SDK1: variants seen among roughly 807,000 people sequenced by gnomAD.
The protein encoded by SDK1 is sidekick cell adhesion molecule 1.
A neutral mutation model predicts 245.5 loss-of-function variants in SDK1; 157 were observed. That is an observed-to-expected ratio of 0.64 (90% CI 0.56 to 0.73). The LOEUF is 0.73. SDK1 is among the 30% of genes least tolerant of loss of function. The pLI is 0.00. For missense variants in SDK1, 3,583 were observed against 3,002.3 expected (o/e 1.19, Z -4.52); for synonymous variants, 1,647 against 1,278.5 (o/e 1.29, Z -6.15).
At chr7:4,171,547 G>A (rs367993637) in intron 32 of SDK1, among the ~76,000 whole-genome samples, 2 of 152,230 alleles carry the variant, frequency 1.3e-5, no homozygotes, top group East Asian at 3.9e-4. Context: ...TGGTTCGGCG[G>A]TTCTGGCCTG....
chr7:3,541,152 T>C (rs2128620503), intron 1 of SDK1, among the ~76,000 whole-genome samples: 1 of 152,362 alleles, frequency 6.6e-6, no homozygotes, highest in East Asian at 1.9e-4. Flanking sequence ...AGTATATTCT[T>C]AAGTATAACT....
At chr7:3,553,922 C>G (rs765990850) in intron 1 of SDK1, among the ~76,000 whole-genome samples, 9 of 152,140 alleles carry the variant, frequency 5.9e-5, no homozygotes, top group Non-Finnish European at 1.0e-4. Flanking sequence ...TGGGAGCCCC[C>G]ATCAGAACCA....
In SDK1 at chr7:3,318,523, C is replaced by G. The variant is rs541196029; in HGVS notation, c.298+16639C>G. ...ATTAATTTATCAGATCAAATGAACC[C>G]CTAATGTGTTTCTCCTTCTCAACTG... On this transcript the variant is annotated intron_variant, in intron 1 of 44. Coordinates refer to ENST00000404826, the MANE Select transcript of SDK1 (RefSeq NM_152744.4). Among the ~76,000 whole-genome samples, 4 of 152,226 alleles carry G rather than the reference C, an allele frequency of 2.6e-5. No individual in the cohort carries two copies. In the East Asian group the frequency reaches 7.7e-4, roughly 29 times the overall value.
At chr7:3,733,364 T>C (rs1779232304) in intron 4 of SDK1, among the ~76,000 whole-genome samples, 1 of 152,218 alleles carries the variant, frequency 6.6e-6, no homozygotes, top group Admixed American at 6.5e-5. Flanking sequence ...CTGTAGCGTC[T>C]CATTCATTAG....
rs1782394229 is a variant in SDK1 at position 4,178,531 on chromosome 7, C to T, written c.5043C>T (p.Asn1681=). The T allele has an allele frequency of 2.5e-6, 4 of 1,613,894 alleles. No individual in the cohort carries two copies. The East Asian group carries it at 8.9e-5, about 36-fold the overall frequency. Reference sequence around the variant, plus strand: ...ATGAAGTAATAATGACCGCCTATAACATCATCGGCGAGAGCCCAGCCAGCG... The same window carrying T: ...ATGAAGTAATAATGACCGCCTATAATATCATCGGCGAGAGCCCAGCCAGCG... The part of the protein sequence containing the change: ...RRYEVIMTAY[N]IIGESPASAP... The change falls in exon 35 of 45, where the codon AAC becomes AAT. Residue 1681 remains asparagine (N), a synonymous_variant. Coordinates refer to ENST00000404826, the MANE Select transcript of SDK1 (RefSeq NM_152744.4).
At chr7:3,804,782 T>G (rs1008704967) in intron 4 of SDK1, among the ~76,000 whole-genome samples, 5 of 152,252 alleles carry the variant, frequency 3.3e-5, no homozygotes, top group Admixed American at 2.0e-4. Context: ...ACGTATTTGC[T>G]AGGTTCTCAC....
At chr7:4,191,126 C>A (rs1242198509) in intron 35 of SDK1, among the ~76,000 whole-genome samples, 1 of 152,172 alleles carries the variant, frequency 6.6e-6, no homozygotes, top group Admixed American at 6.5e-5. Context: ...CTGAGACTGG[C>A]CCCAGGGACT....
intron 1 of SDK1, among the ~76,000 whole-genome samples, chr7:3,434,805 T>C (rs1048741595): frequency 6.6e-6 from 1 of 151,368 alleles, no homozygotes; most frequent in South Asian, 2.1e-4. Context: ...GATAGAATCA[T>C]GGGGGGGGAC....
At chr7:4,147,984 G>T (rs1294746238) in intron 29 of SDK1, among the ~76,000 whole-genome samples, 4 of 122,432 alleles carry the variant, frequency 3.3e-5, no homozygotes, top group Non-Finnish European at 6.8e-5. Context: ...CCACAGTCCC[G>T]CCCCACACTA....
chr7:4,069,686 C>T (rs1780123308), intron 20 of SDK1, among the ~76,000 whole-genome samples: 1 of 152,224 alleles, frequency 6.6e-6, no homozygotes, highest in African/African-American at 2.4e-5. Flanking sequence ...TCTCTCCCTC[C>T]TGCCAGGCTG....
At chr7:3,700,266 A>G (rs995652990) in intron 4 of SDK1, among the ~76,000 whole-genome samples, 9 of 152,220 alleles carry the variant, frequency 5.9e-5, no homozygotes, top group African/African-American at 2.2e-4. Flanking sequence ...GGACATCAAG[A>G]AAGAAAAAAG....
chr7:3,858,866 C>CTTTTT (rs11464569), intron 5 of SDK1, among the ~76,000 whole-genome samples: 1 of 131,364 alleles, frequency 7.6e-6, no homozygotes, highest in Non-Finnish European at 1.6e-5. Context: ...TTTCTTTTTT[C>CTTTTT]TTTTTTTTTT....
At chr7:3,357,326 G>GTTTTTTTTT (rs1780826215) in intron 1 of SDK1, among the ~76,000 whole-genome samples, 2 of 50,102 alleles carry the variant, frequency 4.0e-5, no homozygotes, top group African/African-American at 6.4e-5. Context: ...CCTTCTTTTA[G>GTTTTTTTTT]TGTTTTTTTT....
At chr7:4,207,110 A>G (rs115652500) in intron 36 of SDK1, among the ~76,000 whole-genome samples, 1,661 of 152,364 alleles carry the variant, frequency 0.011, 32 homozygotes, top group African/African-American at 0.038. Context: ...GCAGAAGCCC[A>G]CTACATCCTG....
At chr7:3,907,092 A>C (rs1014550675) in intron 5 of SDK1, among the ~76,000 whole-genome samples, 1 of 150,378 alleles carries the variant, frequency 6.6e-6, no homozygotes, top group Non-Finnish European at 1.5e-5. Context: ...TGCTAAAATC[A>C]GATATATTTA....
At chr7:3,310,462 G>A (rs1347959140) in intron 1 of SDK1, among the ~76,000 whole-genome samples, 2 of 152,168 alleles carry the variant, frequency 1.3e-5, no homozygotes, top group African/African-American at 4.8e-5. Context: ...ATGCACTAGA[G>A]AGGGATTTAA....
chr7:4,019,420 G>A (rs1333652799), intron 17 of SDK1, among the ~76,000 whole-genome samples: 1 of 152,180 alleles, frequency 6.6e-6, no homozygotes, highest in Non-Finnish European at 1.5e-5. Flanking sequence ...ACTGTGCTTA[G>A]CTAGTGGGCT....
chr7:3,818,467 C>T (rs1281217656), intron 4 of SDK1, among the ~76,000 whole-genome samples: 2 of 152,128 alleles, frequency 1.3e-5, no homozygotes, highest in Non-Finnish European at 2.9e-5. Context: ...AAGGAAATGG[C>T]CTGTAATTGT....
chr7:3,681,685 A>T (rs1331212844), intron 4 of SDK1, among the ~76,000 whole-genome samples: 1 of 152,176 alleles, frequency 6.6e-6, no homozygotes, highest in African/African-American at 2.4e-5. Flanking sequence ...TTTTATCCCA[A>T]GTATCTAGAA....
Sources: gnomAD v4.1 joint callset for allele counts (sites outside exome capture counted in the v4.1 genomes callset) on GRCh38, gnomAD v4.1.1 for gene constraint, MANE v1.5 for transcripts, NCBI Gene and HGNC (gene_info 2026-07-23, HGNC 2026-07-21) for gene names.